SDR16C5: variants seen among roughly 807,000 people sequenced by gnomAD.
The protein encoded by SDR16C5 is epidermal retinol dehydrogenase 2.
SDR16C5 carries 20 observed loss-of-function variants against 27.7 expected under a neutral mutation model. The ratio of observed to expected loss-of-function variants is 0.72; its 90% CI spans 0.51 to 1.05. The LOEUF (loss-of-function observed/expected upper bound fraction) is 1.05, where lower values mean the gene tolerates loss of function less well. SDR16C5 is among the 50% of genes least tolerant of loss of function. SDR16C5 has a pLI of 0.00. For synonymous variants in SDR16C5, 139 were observed against 132.3 expected (o/e 1.05, Z -0.35); for missense variants, 374 against 366.3 (o/e 1.02, Z -0.17).
At chr8:56,308,065 G>A (rs1814931678) in intron 4 of SDR16C5, among the ~76,000 whole-genome samples, 1 of 152,174 alleles carries the variant, frequency 6.6e-6, no homozygotes, top group Non-Finnish European at 1.5e-5. Flanking sequence ...GTCATAAGGA[G>A]GATAGACTGG....
In SDR16C5 at chr8:56,301,961, T is replaced by C. The variant is rs982848088; in HGVS notation, c.837-388A>G. 1.4e-4 allele frequency among the ~76,000 whole-genome samples: 22 copies of C among 152,210 alleles called. 1 individual carries two copies. The highest frequency in any genetic ancestry group is 4.8e-4 in the African/African-American group (20 of 41,464). ...CGCCTTAGGCAATCGACTCAGCTCA[T>C]AGACCTCAGTTTCCTCAACTGTAAA... On this transcript the variant is annotated intron_variant, in intron 6 of 6. Coordinates refer to ENST00000303749, the MANE Select transcript of SDR16C5 (RefSeq NM_138969.4).
At chr8:56,315,649 G>C (rs1194649203) in intron 2 of SDR16C5, among the ~76,000 whole-genome samples, 1 of 152,100 alleles carries the variant, frequency 6.6e-6, no homozygotes, top group African/African-American at 2.4e-5. Flanking sequence ...ATAGGGGCCG[G>C]TATGGTCCGT....
chr8:56,316,702 A>T (rs1319116178), intron 1 of SDR16C5, among the ~76,000 whole-genome samples: 1 of 152,372 alleles, frequency 6.6e-6, no homozygotes, highest in African/African-American at 2.4e-5. Context: ...GCCTTTCTTC[A>T]TAATAATAAT....
chr8:56,308,802 T>G lies in SDR16C5; in HGVS notation c.565+126A>C, dbSNP rs1320774219. Reference sequence around the variant, plus strand: ...CACGATGAAGTTATCAACCACTTATTGACTATACTTTTTAGTTTATTATCC... The same window carrying G: ...CACGATGAAGTTATCAACCACTTATGGACTATACTTTTTAGTTTATTATCC... On this transcript the variant is annotated intron_variant, in intron 4 of 6. Coordinates refer to ENST00000303749, the MANE Select transcript of SDR16C5 (RefSeq NM_138969.4). 4.9e-6 allele frequency: 3 copies of G among 616,628 alleles called. No homozygotes were observed. In the African/African-American group the frequency reaches 5.6e-5, roughly 11 times the overall value. The allele number at this position is 616,628 out of a possible 1,614,324, so 38.2% of individuals were successfully genotyped here.
At chr8:56,318,276 C>T (rs1815251289) in intron 1 of SDR16C5, among the ~76,000 whole-genome samples, 1 of 152,200 alleles carries the variant, frequency 6.6e-6, no homozygotes, top group South Asian at 2.1e-4. Context: ...TTCATCCATG[C>T]TTTGATGAAA....
chr8:56,301,605 T>C (rs1220683932), intron 6 of SDR16C5, 32 bp from the exon 7 acceptor site: 2 of 1,502,750 alleles, frequency 1.3e-6, no homozygotes. Context: ...ACTTTCTTTA[T>C]TATCATTCAT....
intron 2 of SDR16C5, among the ~76,000 whole-genome samples, chr8:56,314,673 A>G (rs1390792767): frequency 3.4e-5 from 5 of 147,792 alleles, no homozygotes; most frequent in Non-Finnish European, 7.6e-5. Context: ...GTGGATCTCC[A>G]GCCTGTACTG....
chr8:56,313,847 C>T (rs1815113650), intron 2 of SDR16C5, among the ~76,000 whole-genome samples: 1 of 152,132 alleles, frequency 6.6e-6, no homozygotes, highest in Non-Finnish European at 1.5e-5. Context: ...TCAGCAGAGA[C>T]AAAACGCTGT....
chr8:56,313,733 C>A (rs914347112), intron 2 of SDR16C5, among the ~76,000 whole-genome samples: 3 of 152,182 alleles, frequency 2.0e-5, no homozygotes, highest in Admixed American at 6.5e-5. Flanking sequence ...TCTGCCTGTC[C>A]TGTTTTCATC....
chr8:56,317,551 C>T (rs1815232458), intron 1 of SDR16C5, among the ~76,000 whole-genome samples: 1 of 152,124 alleles, frequency 6.6e-6, no homozygotes, highest in Non-Finnish European at 1.5e-5. Context: ...CAGACAAAGG[C>T]ACAGGTGTGA....
intron 6 of SDR16C5, chr8:56,304,135 A>T: frequency 8.7e-6 from 6 of 692,784 alleles, no homozygotes; most frequent in Non-Finnish European, 1.6e-5. Context: ...TGCACAAAGT[A>T]GATATAATTA....
chr8:56,302,843 A>G (rs1814792031), intron 6 of SDR16C5, among the ~76,000 whole-genome samples: 1 of 151,200 alleles, frequency 6.6e-6, no homozygotes. Flanking sequence ...TTAGCTGTGC[A>G]TAATGGTGCA....
intron 6 of SDR16C5, 26 bp from the exon 7 acceptor site, chr8:56,301,599 T>C (rs1458147385): frequency 2.0e-6 from 3 of 1,529,158 alleles, no homozygotes; most frequent in Non-Finnish European, 2.7e-6. Context: ...GAATAAACTT[T>C]CTTTATTATC....
chr8:56,307,488 G>A (rs753230596), intron 4 of SDR16C5, among the ~76,000 whole-genome samples: 1 of 152,222 alleles, frequency 6.6e-6, no homozygotes, highest in Non-Finnish European at 1.5e-5. Context: ...AGAAGAAATG[G>A]CATTGAGGTA....
chr8:56,309,610 G>T (rs775939718), intron 3 of SDR16C5: 1 of 982,854 alleles, frequency 1.0e-6, no homozygotes, highest in African/African-American at 1.7e-5. Flanking sequence ...AAAAGAGACA[G>T]AAATGAGCTT....
chr8:56,313,956 C>A (rs577758271), intron 2 of SDR16C5, among the ~76,000 whole-genome samples: 3 of 152,306 alleles, frequency 2.0e-5, no homozygotes, highest in Non-Finnish European at 4.4e-5. Context: ...CACCTGTAAT[C>A]CCAGCACTTT....
intron 2 of SDR16C5, among the ~76,000 whole-genome samples, chr8:56,312,935 C>A (rs994464837): frequency 6.6e-6 from 1 of 151,960 alleles, no homozygotes; most frequent in Non-Finnish European, 1.5e-5. Flanking sequence ...CACCACCACA[C>A]CCGGCTAATT....
chr8:56,309,418 T>A lies in SDR16C5; in HGVS notation c.466-391A>T, dbSNP rs1380066621. The A allele has an allele frequency of 3.0e-6, 3 of 985,276 alleles. No individual in the cohort carries two copies. In the East Asian group the frequency reaches 3.4e-4, roughly 112 times the overall value. The allele number at this position is 985,276 out of a possible 1,614,324, so 61.0% of individuals were successfully genotyped here. A position where few individuals can be genotyped will look rare whatever the true frequency, so the allele number is the denominator to read the frequency against. On this transcript the variant is annotated intron_variant, in intron 3 of 6. Transcript: ENST00000303749. Reference sequence around the variant, plus strand: ...CTTAGCTTGATTTTGAGTTTCAAATTTTCCCTGAACATTGTTCACAGGACA... The same window carrying A: ...CTTAGCTTGATTTTGAGTTTCAAATATTCCCTGAACATTGTTCACAGGACA...
Position 56,319,617 on chromosome 8 carries a change from G to A in SDR16C5, c.-15+442C>T, listed in dbSNP as rs909551795. Among the ~76,000 whole-genome samples the A allele has an allele frequency of 3.3e-5, 5 of 152,180 alleles. 1 individual carries two copies. Among genetic ancestry groups the A allele is most frequent in the African/African-American group, 4.8e-5 (2 of 41,444 alleles). Reference sequence around the variant, plus strand: ...TCGGCTCTGGTGAGGGCACCCGGACGAAACGGGAGGGCAGACAGACTGACA... The same window carrying A: ...TCGGCTCTGGTGAGGGCACCCGGACAAAACGGGAGGGCAGACAGACTGACA... On this transcript the variant is annotated intron_variant, in intron 1 of 6. Transcript: ENST00000303749.
Sources: gnomAD v4.1 joint callset for allele counts (sites outside exome capture counted in the v4.1 genomes callset) on GRCh38, gnomAD v4.1.1 for gene constraint, MANE v1.5 for transcripts, NCBI Gene and HGNC (gene_info 2026-07-23, HGNC 2026-07-21) for gene names.